Variants in GNAO1 observed in about 807,000 individuals in gnomAD.
GNAO1 encodes G protein subunit alpha o1.
For missense variants in GNAO1, 166 were observed against 478.7 expected (o/e 0.35, Z 6.10); for synonymous variants, 164 against 180.7 (o/e 0.91, Z 0.74).
chr16:56,275,004 G>A (rs2037049523), intron 2 of GNAO1, among the ~76,000 whole-genome samples: 1 of 152,222 alleles, frequency 6.6e-6, no homozygotes, highest in Non-Finnish European at 1.5e-5. Context: ...GGAATTGGAA[G>A]GAGCCTTGGT....
intron 2 of GNAO1, among the ~76,000 whole-genome samples, chr16:56,225,654 CA>C (rs2036527270): frequency 6.6e-6 from 1 of 152,070 alleles, no homozygotes. Context: ...ATCAATAAAA[CA>C]GGGGTATAAA....
intron 2 of GNAO1, among the ~76,000 whole-genome samples, chr16:56,225,343 G>A (rs1302415113): frequency 5.9e-5 from 9 of 152,358 alleles, no homozygotes; most frequent in South Asian, 2.1e-4. Context: ...GAGCTAATAC[G>A]TGTTCCTACT....
chr16:56,276,139 T>C, intron 3 of GNAO1, 67 bp downstream of exon 3: 1 of 1,404,700 alleles, frequency 7.1e-7, no homozygotes, highest in Non-Finnish European at 9.9e-7. Flanking sequence ...TGCCTCCTCT[T>C]TATAGTGCTG....
chr16:56,346,163 G>T (rs1196165283), intron 6 of GNAO1: 3 of 985,342 alleles, frequency 3.0e-6, no homozygotes, highest in Non-Finnish European at 3.6e-6. Flanking sequence ...GTGGTCCTTG[G>T]TCCTCAGGGG....
chr16:56,314,262 C>A (rs1206360430), intron 3 of GNAO1, among the ~76,000 whole-genome samples: 1 of 152,200 alleles, frequency 6.6e-6, no homozygotes, highest in African/African-American at 2.4e-5. Context: ...ATTTTGGTAA[C>A]AAATATGTCA....
At chr16:56,279,547 G>T (rs577766925) in intron 3 of GNAO1, among the ~76,000 whole-genome samples, 1 of 152,072 alleles carries the variant, frequency 6.6e-6, no homozygotes, top group South Asian at 2.1e-4. Context: ...CCTCTTCCAC[G>T]TGGAACTGCC....
chr16:56,194,007 C>T, intron 2 of GNAO1: 1 of 411,788 alleles, frequency 2.4e-6, no homozygotes. Flanking sequence ...GAGTGGGAGA[C>T]GAAGCATGCT....
intron 2 of GNAO1, among the ~76,000 whole-genome samples, chr16:56,248,695 G>A (rs542093444): frequency 1.3e-5 from 2 of 152,352 alleles, no homozygotes; most frequent in African/African-American, 4.8e-5. Flanking sequence ...GGAGGTGAGG[G>A]AAGAGTGTTC....
chr16:56,214,840 G>C (rs1259720337), intron 2 of GNAO1, among the ~76,000 whole-genome samples: 2 of 152,246 alleles, frequency 1.3e-5, no homozygotes, highest in Admixed American at 1.3e-4. Flanking sequence ...GCCTGTGCCT[G>C]GCCTGGGCCC....
At chr16:56,288,255 C>G (rs1256446450) in intron 3 of GNAO1, among the ~76,000 whole-genome samples, 1 of 152,230 alleles carries the variant, frequency 6.6e-6, no homozygotes, top group Non-Finnish European at 1.5e-5. Flanking sequence ...CTGCTCAGAG[C>G]TCAGCTGGCG....
rs16956350 is a variant in GNAO1 at position 56,328,419 on chromosome 16, A to G, written c.304-212A>G. Among the ~76,000 whole-genome samples, 3,014 of 152,206 alleles carry G rather than the reference A, an allele frequency of 0.02. 53 individuals are homozygous for G. Among genetic ancestry groups the G allele is most frequent in the South Asian group, 0.089 (429 of 4,812 alleles). On this transcript the variant is annotated intron_variant, in intron 3 of 8. Coordinates refer to ENST00000262493, the MANE Select transcript of GNAO1 (RefSeq NM_020988.3). ...CAGCTTGGAGCTCCTGCTTTAGGACATCCATGTGGTAGAAGGCCCCACGGG... is the reference window on the plus strand; with the variant it reads ...CAGCTTGGAGCTCCTGCTTTAGGACGTCCATGTGGTAGAAGGCCCCACGGG...
At chr16:56,335,189 G>C (rs551609095) in intron 5 of GNAO1, among the ~76,000 whole-genome samples, 11 of 152,284 alleles carry the variant, frequency 7.2e-5, no homozygotes, top group South Asian at 2.1e-4. Flanking sequence ...GGTCACCTTG[G>C]GGGGAGGAGC....
chr16:56,310,887 G>A (rs2037450980), intron 3 of GNAO1, among the ~76,000 whole-genome samples: 1 of 152,058 alleles, frequency 6.6e-6, no homozygotes, highest in Admixed American at 6.6e-5. Flanking sequence ...CCATCTTATG[G>A]CACCACCACC....
intron 3 of GNAO1, among the ~76,000 whole-genome samples, chr16:56,298,195 C>T (rs1333542093): frequency 1.3e-5 from 2 of 152,104 alleles, no homozygotes; most frequent in Non-Finnish European, 2.9e-5. Context: ...AAATAGTTAT[C>T]TTTGTGTAGG....
chr16:56,299,593 A>G (rs1334490928), intron 3 of GNAO1, among the ~76,000 whole-genome samples: 2 of 152,134 alleles, frequency 1.3e-5, no homozygotes, highest in African/African-American at 4.8e-5. Context: ...ATTTTTTCCA[A>G]TAAGCTGTTG....
At chr16:56,334,534 C>T (rs578146677) in intron 4 of GNAO1, among the ~76,000 whole-genome samples, 195 bp from the exon 5 acceptor site, 13 of 152,140 alleles carry the variant, frequency 8.5e-5, no homozygotes, top group Non-Finnish European at 1.5e-4. Context: ...TGAATGAGTG[C>T]GTGAGGCCAA....
rs533808492 is a variant in GNAO1, at chr16:56,311,804, T to G, written c.304-16827T>G. On this transcript the variant is annotated intron_variant, in intron 3 of 8. Transcript: ENST00000262493. The surrounding 1 kb of genome is among the most constrained non-coding windows in gnomAD (Gnocchi z 5.2). The stretch of plus-strand genomic sequence containing the variant: ...CACGGCCCGCTGGGACCTCCTTGCC[T>G]GGCCCAGCTGCTGCATGGCCATGGG... 5.1e-4 allele frequency among the ~76,000 whole-genome samples: 78 copies of G among 152,268 alleles called. No individual in the cohort carries two copies. Among genetic ancestry groups the G allele is most frequent in the African/African-American group, 1.7e-3 (70 of 41,532 alleles).
chr16:56,283,013 C>T (rs1394143256), intron 3 of GNAO1, among the ~76,000 whole-genome samples: 1 of 152,208 alleles, frequency 6.6e-6, no homozygotes, highest in Non-Finnish European at 1.5e-5. Context: ...CTGCAATGGG[C>T]ATTTTCCATC....
chr16:56,235,738 G>A (rs1407545595), intron 2 of GNAO1, among the ~76,000 whole-genome samples: 1 of 152,222 alleles, frequency 6.6e-6, no homozygotes, highest in African/African-American at 2.4e-5. Context: ...AGCCCTGCCT[G>A]GGAGCTAAGA....
Sources: gnomAD v4.1 joint callset for allele counts (sites outside exome capture counted in the v4.1 genomes callset) on GRCh38, gnomAD v4.1.1 for gene constraint, Gnocchi (gnomAD v3.1) non-coding constraint, MANE v1.5 for transcripts, NCBI Gene and HGNC (gene_info 2026-07-23, HGNC 2026-07-21) for gene names.